Variants in TRAFD1 observed in about 807,000 individuals in gnomAD.
The protein encoded by TRAFD1 is TRAF-type zinc finger domain-containing protein 1.
TRAFD1 carries 38 observed loss-of-function variants against 65.3 expected under a neutral mutation model. That is an observed-to-expected ratio of 0.58 (90% CI 0.45 to 0.76). The LOEUF (loss-of-function observed/expected upper bound fraction) is 0.76, where lower values mean the gene tolerates loss of function less well. Ranked by LOEUF, TRAFD1 falls within the 30% of genes least tolerant of loss-of-function variation. The probability of loss-of-function intolerance (pLI) is 0.00; values close to 1 mark genes in which losing one functional copy is unlikely to be tolerated. For synonymous variants in TRAFD1, 223 were observed against 257.2 expected, an observed-to-expected ratio of 0.87 and a Z score of 1.27; for missense variants, 631 against 712.6, an observed-to-expected ratio of 0.89 and a Z score of 1.30.
Position 112,152,243 on chromosome 12 carries a change from G to C in TRAFD1, c.1619+103G>C, listed in dbSNP as rs554213726. On this transcript the variant is annotated intron_variant, in intron 10 of 11. Transcript: ENST00000412615. The surrounding 1 kb of genome is among the most constrained non-coding windows in gnomAD (Gnocchi z 5.0). ...GGCCTGGGGTAAGACTGAGGTACTTGCATGGTAAGGGGAGGAGTATGGATT... is the reference window on the plus strand; with the variant it reads ...GGCCTGGGGTAAGACTGAGGTACTTCCATGGTAAGGGGAGGAGTATGGATT... The C allele has an allele frequency of 5.8e-5, 83 of 1,426,744 alleles. No homozygotes were observed. The South Asian group carries it at 8.6e-4, about 15-fold the overall frequency. 88.4% of individuals were successfully genotyped at this position (1,426,744 alleles called of 1,614,324 possible). A position where few individuals can be genotyped will look rare whatever the true frequency, so the allele number is the denominator to read the frequency against.
At chr12:112,144,373 G>T (rs982900613) in intron 6 of TRAFD1, among the ~76,000 whole-genome samples, 3 of 151,766 alleles carry the variant, frequency 2.0e-5, no homozygotes, top group Non-Finnish European at 4.4e-5. Flanking sequence ...GGGTTCAAGT[G>T]ATTTCTCCTG....
In TRAFD1 at chr12:112,139,965, C is replaced by T. The variant is rs181511228; in HGVS notation, c.238-854C>T. ...TGTAGTGAGCTGAGATTGCACCATG[C>T]ACTCCATGCACACCACTCTGTCGCT... On this transcript the variant is annotated intron_variant, in intron 4 of 11. Transcript: ENST00000412615. Among the ~76,000 whole-genome samples the T allele has an allele frequency of 1.6e-4, 25 of 152,210 alleles. No homozygotes were observed. The East Asian group carries it at 4.3e-3, about 26-fold the overall frequency.
At chr12:112,140,775 C>T in intron 4 of TRAFD1, 44 bp from the exon 5 acceptor site, 1 of 1,603,480 alleles carries the variant, frequency 6.2e-7, no homozygotes, top group Non-Finnish European at 8.5e-7. Context: ...AAACACACCT[C>T]TCCTAGATAT....
chr12:112,141,389 TGGA>T, intron 5 of TRAFD1, 165 bp downstream of exon 5: 3 of 790,388 alleles, frequency 3.8e-6, no homozygotes, highest in Non-Finnish European at 5.9e-6. Context: ...TAACCTCCAT[TGGA>T]TTATAGTTAG....
intron 2 of TRAFD1, among the ~76,000 whole-genome samples, chr12:112,132,750 A>C (rs2079572447): frequency 6.6e-6 from 1 of 152,192 alleles, no homozygotes; most frequent in Non-Finnish European, 1.5e-5. Context: ...GAGGCACATC[A>C]TTTATCCTAC....
intron 6 of TRAFD1, among the ~76,000 whole-genome samples, chr12:112,145,014 G>A (rs2030199220): frequency 6.6e-6 from 1 of 152,152 alleles, no homozygotes; most frequent in South Asian, 2.1e-4. Flanking sequence ...AAATCTAGAT[G>A]GGTAGAAGGG....
intron 1 of TRAFD1, chr12:112,126,089 TA>T (rs2079535450): frequency 6.6e-6 from 1 of 152,266 alleles, no homozygotes; most frequent in South Asian, 2.1e-4. Flanking sequence ...TCGTAGCCTC[TA>T]AAGTGGGGAC....
chr12:112,128,804 A>T (rs1403030977), intron 1 of TRAFD1, among the ~76,000 whole-genome samples: 1 of 152,120 alleles, frequency 6.6e-6, no homozygotes, highest in African/African-American at 2.4e-5. Context: ...TGGGAGGCTG[A>T]GGCTGGCTGG....
At chr12:112,147,136 A>G (rs1714647214) in intron 7 of TRAFD1, among the ~76,000 whole-genome samples, 1 of 151,624 alleles carries the variant, frequency 6.6e-6, no homozygotes, top group Non-Finnish European at 1.5e-5. Context: ...GGTAGCTGGG[A>G]CTACAGGCAC....
Position 112,142,138 on chromosome 12 carries a change from A to G in TRAFD1, c.693A>G (p.Lys231=). The change falls in exon 6 of 12, where the codon AAA becomes AAG. Residue 231 remains lysine (K), a synonymous_variant. Transcript: ENST00000412615. ...QERNRGQQPP[K]EGGEESANLD... is the part of the protein sequence containing the mutation. ...GGAATAGAGGCCAACAGCCCCCCAA[A>G]GAGGGTGGTGAAGAGAGTGCAAACT... 1 of 1,614,000 alleles carries G rather than the reference A, an allele frequency of 6.2e-7. No individual in the cohort carries two copies. The highest frequency in any genetic ancestry group is 8.5e-7 in the Non-Finnish European group (1 of 1,179,998).
chr12:112,143,915 A>T (rs966887960), intron 6 of TRAFD1, among the ~76,000 whole-genome samples: 1 of 151,324 alleles, frequency 6.6e-6, no homozygotes, highest in African/African-American at 2.4e-5. Context: ...TTTAGTAGAG[A>T]TGGTTCCTTA....
intron 1 of TRAFD1, among the ~76,000 whole-genome samples, chr12:112,129,457 C>T (rs1415219937): frequency 6.6e-6 from 1 of 151,944 alleles, no homozygotes; most frequent in Non-Finnish European, 1.5e-5. Flanking sequence ...TCAGCTCAGC[C>T]TCCCAAAGTT....
chr12:112,135,040 G>T lies in TRAFD1; in HGVS notation c.211G>T (p.Glu71Ter). 1 of 1,614,190 alleles carries T rather than the reference G, an allele frequency of 6.2e-7. No individual in the cohort carries two copies. The highest frequency in any genetic ancestry group is 1.1e-5 in the South Asian group (1 of 91,046). ...GACCTGCAAATGTAACAAGAAGTTG[G>T]AGAAGAGGCTGTTAAAGAAGCATGA... ...QVTCKCNKKLEKRLLKKHEET... is the reference protein window; with the variant it reads ...QVTCKCNKKL The change falls in exon 4 of 12, where the codon GAG becomes TAG. Residue 71 changes from glutamate (E) to a stop codon, truncating the protein, a stop_gained. Transcript: ENST00000412615. LOFTEE classifies it high-confidence loss of function.
intron 6 of TRAFD1, among the ~76,000 whole-genome samples, chr12:112,144,906 C>T (rs1445409847): frequency 6.6e-6 from 1 of 152,076 alleles, no homozygotes; most frequent in Non-Finnish European, 1.5e-5. Context: ...AAAATAGAAA[C>T]ATAAAAAACA....
Position 112,140,989 on chromosome 12 carries a change from G to A in TRAFD1, c.408G>A (p.Gly136=), listed in dbSNP as rs772458417. The change falls in exon 5 of 12, where the codon GGG becomes GGA. Residue 136 remains glycine (G), a synonymous_variant. Coordinates refer to ENST00000412615, the MANE Select transcript of TRAFD1 (RefSeq NM_006700.3). Reference sequence around the variant, plus strand: ...TGAAGACTCACCCTGAAGTTTGTGGGAGAGAGGGGGAGGAAAAGAGAAATG... The same window carrying A: ...TGAAGACTCACCCTGAAGTTTGTGGAAGAGAGGGGGAGGAAAAGAGAAATG... ...KDLKTHPEVC[G]REGEEKRNEV... 3 of 1,614,194 alleles carry A rather than the reference G, an allele frequency of 1.9e-6. No homozygotes were observed. The highest frequency in any genetic ancestry group is 2.5e-6 in the Non-Finnish European group (3 of 1,180,026).
chr12:112,151,312 G>A (rs1225045985), intron 9 of TRAFD1, among the ~76,000 whole-genome samples: 1 of 152,140 alleles, frequency 6.6e-6, no homozygotes, highest in Non-Finnish European at 1.5e-5. Context: ...TGAGGACTCA[G>A]ATAATATGTG....
chr12:112,131,189 T>C (rs2079564833), intron 2 of TRAFD1, among the ~76,000 whole-genome samples: 1 of 152,218 alleles, frequency 6.6e-6, no homozygotes. Flanking sequence ...ACTATCACTT[T>C]CTACCATTTC....
rs554977228 is a variant in TRAFD1 at position 112,144,635 on chromosome 12, C to G, written c.851-951C>G. Reference sequence around the variant, plus strand: ...ATGTCTCATTCCTGTAATCCCAACACTTTGGGAGGCTGAGACGGGAGGTTC... The same window carrying G: ...ATGTCTCATTCCTGTAATCCCAACAGTTTGGGAGGCTGAGACGGGAGGTTC... On this transcript the variant is annotated intron_variant, in intron 6 of 11. Transcript: ENST00000412615. 2.0e-5 allele frequency among the ~76,000 whole-genome samples: 3 copies of G among 152,270 alleles called. No homozygotes were observed. In the South Asian group the frequency reaches 6.2e-4, roughly 32 times the overall value.
chr12:112,143,143 G>T (rs1399588218), intron 6 of TRAFD1, among the ~76,000 whole-genome samples: 1 of 151,820 alleles, frequency 6.6e-6, no homozygotes, highest in Non-Finnish European at 1.5e-5. Context: ...GCAGTGGCAC[G>T]ATCTCGGCTC....
Sources: allele counts gnomAD v4.1 joint callset (sites outside exome capture counted in the v4.1 genomes callset), GRCh38; gene constraint gnomAD v4.1.1; non-coding constraint Gnocchi (gnomAD v3.1); transcripts MANE v1.5; gene names NCBI Gene and HGNC (gene_info 2026-07-23, HGNC 2026-07-21).